KDM4C: variants seen among roughly 807,000 people sequenced by gnomAD.
KDM4C encodes the protein lysine demethylase 4C.
A neutral mutation model predicts 129.3 loss-of-function variants in KDM4C; 81 were observed. The ratio of observed to expected loss-of-function variants is 0.63; its 90% CI spans 0.52 to 0.75. The LOEUF is 0.75. Among genes scored for constraint, KDM4C ranks in the 30% least tolerant of loss-of-function variants. The pLI is 0.00. For synonymous variants in KDM4C, 573 were observed against 456.1 expected (o/e 1.26, Z -3.26); for missense variants, 1,457 against 1,304.0 (o/e 1.12, Z -1.81).
At chr9:6,925,326 A>C in intron 8 of KDM4C, 6 of 985,406 alleles carry the variant, frequency 6.1e-6, no homozygotes, top group Non-Finnish European at 6.0e-6. Flanking sequence ...ACAAGCTTTC[A>C]TCAGTTGGGC....
intron 8 of KDM4C, among the ~76,000 whole-genome samples, chr9:6,970,909 T>C (rs1831870869): frequency 6.8e-6 from 1 of 146,786 alleles, no homozygotes; most frequent in South Asian, 2.2e-4. Context: ...ACTAACCCCA[T>C]CATTCCCTCG....
chr9:7,035,035 A>T (rs1402298036), intron 15 of KDM4C, among the ~76,000 whole-genome samples: 1 of 151,920 alleles, frequency 6.6e-6, no homozygotes, highest in East Asian at 1.9e-4. Flanking sequence ...TTTTTGAGAC[A>T]GGGTCTCACT....
At chr9:6,785,003 G>A (rs1255641258) in intron 1 of KDM4C, among the ~76,000 whole-genome samples, 1 of 152,180 alleles carries the variant, frequency 6.6e-6, no homozygotes, top group East Asian at 1.9e-4. Flanking sequence ...GCTAAGATTG[G>A]AGAACGTGGT....
intron 2 of KDM4C, among the ~76,000 whole-genome samples, chr9:6,805,390 A>G (rs752858473): frequency 1.4e-4 from 21 of 152,118 alleles, no homozygotes. Flanking sequence ...ATACAAGTAC[A>G]GTGTTTGGGA....
intron 19 of KDM4C, among the ~76,000 whole-genome samples, chr9:7,159,849 CTG>C (rs1227218041): frequency 6.6e-6 from 1 of 152,098 alleles, no homozygotes; most frequent in African/African-American, 2.4e-5. Flanking sequence ...GTGGTGTTCT[CTG>C]TATTTCCTGA....
intron 1 of KDM4C, among the ~76,000 whole-genome samples, chr9:6,770,497 TCAA>T (rs1821541340): frequency 6.6e-6 from 1 of 152,040 alleles, no homozygotes; most frequent in Non-Finnish European, 1.5e-5. Context: ...GAATACATGA[TCAA>T]CAAATACTTT....
intron 1 of KDM4C, chr9:6,748,964 C>T: frequency 1.2e-6 from 1 of 853,448 alleles, no homozygotes; most frequent in Non-Finnish European, 2.0e-6. Flanking sequence ...CTTTCTGGCC[C>T]TGGCCACTGT....
chr9:6,801,236 GA>G (rs1189905958), intron 2 of KDM4C, among the ~76,000 whole-genome samples: 17 of 140,660 alleles, frequency 1.2e-4, no homozygotes, highest in Admixed American at 3.1e-4. Context: ...CTTGAGTAGG[GA>G]AATTTTTTTT....
intron 9 of KDM4C, among the ~76,000 whole-genome samples, chr9:6,981,340 G>A (rs966595056): frequency 1.8e-4 from 27 of 152,118 alleles, no homozygotes; most frequent in African/African-American, 6.0e-4. Context: ...GAAGTTGCTC[G>A]ACATGGCAAA....
chr9:7,128,530 A>G (rs1454008957), intron 19 of KDM4C, among the ~76,000 whole-genome samples: 1 of 152,178 alleles, frequency 6.6e-6, no homozygotes, highest in South Asian at 2.1e-4. Flanking sequence ...TTTGGATGGG[A>G]CCTATTCAAA....
chr9:7,030,036 T>C (rs549756517), intron 15 of KDM4C, among the ~76,000 whole-genome samples: 4 of 152,310 alleles, frequency 2.6e-5, no homozygotes, highest in Admixed American at 6.5e-5. Flanking sequence ...ATAATCTAGA[T>C]ATTAAATCAA....
chr9:7,019,272 C>T (rs1318501781), intron 15 of KDM4C, among the ~76,000 whole-genome samples: 1 of 152,144 alleles, frequency 6.6e-6, no homozygotes, highest in African/African-American at 2.4e-5. Context: ...ATCCTTAAAA[C>T]TGACTTCTTC....
At chr9:6,825,954 G>C in intron 4 of KDM4C, among the ~76,000 whole-genome samples, 1 of 152,264 alleles carries the variant, frequency 6.6e-6, no homozygotes, top group East Asian at 1.9e-4. Context: ...GGGACTACGT[G>C]TGTGCGCCAC....
At chr9:7,020,414 G>A (rs983703587) in intron 15 of KDM4C, among the ~76,000 whole-genome samples, 2 of 152,088 alleles carry the variant, frequency 1.3e-5, no homozygotes, top group East Asian at 1.9e-4. Flanking sequence ...CAGCTATAGC[G>A]TTTGACTTAT....
At chr9:7,067,458 A>G (rs1832583757) in intron 17 of KDM4C, among the ~76,000 whole-genome samples, 1 of 152,212 alleles carries the variant, frequency 6.6e-6, no homozygotes, top group South Asian at 2.1e-4. Context: ...TTTCTCTGAG[A>G]AATGTTCCAC....
intron 2 of KDM4C, among the ~76,000 whole-genome samples, chr9:6,796,210 C>A (rs907634389): frequency 5.3e-5 from 8 of 152,104 alleles, no homozygotes; most frequent in African/African-American, 1.9e-4. Flanking sequence ...TCTGGGAGGC[C>A]GAGGTGGGTG....
chr9:6,886,968 A>T (rs1005330447), intron 6 of KDM4C, among the ~76,000 whole-genome samples: 1 of 152,190 alleles, frequency 6.6e-6, no homozygotes, highest in Non-Finnish European at 1.5e-5. Flanking sequence ...ACAGAGTTAG[A>T]TGTCACATTT....
intron 19 of KDM4C, among the ~76,000 whole-genome samples, chr9:7,136,129 G>C (rs1027772275): frequency 6.6e-5 from 10 of 152,298 alleles, no homozygotes; most frequent in African/African-American, 2.4e-4. Flanking sequence ...GTGTATTCTA[G>C]ATACAAGTCC....
intron 8 of KDM4C, chr9:6,942,783 G>A (rs1263419736): frequency 6.6e-6 from 1 of 152,136 alleles, no homozygotes; most frequent in African/African-American, 2.4e-5. Context: ...ATATAATGAA[G>A]CAAAACTCAA....
Sources: allele counts gnomAD v4.1 joint callset (sites outside exome capture counted in the v4.1 genomes callset), GRCh38; gene constraint gnomAD v4.1.1; transcripts MANE v1.5; gene names NCBI Gene and HGNC (gene_info 2026-07-23, HGNC 2026-07-21).